SH3TC1: variants seen among roughly 807,000 people sequenced by gnomAD.
SH3TC1 encodes SH3 domain and tetratricopeptide repeat-containing protein 1.
A neutral mutation model predicts 117.3 loss-of-function variants in SH3TC1; 135 were observed. The observed-to-expected ratio is 1.15, with a 90% CI of 1.00 to 1.33. The LOEUF (loss-of-function observed/expected upper bound fraction) is 1.33, where lower values mean the gene tolerates loss of function less well. SH3TC1 is among the 40% of genes most tolerant of loss of function. The pLI, the probability that SH3TC1 is intolerant of heterozygous loss-of-function variation, is 0.00. For synonymous variants in SH3TC1, 898 were observed against 816.9 expected, an observed-to-expected ratio of 1.10 and a Z score of -1.69; for missense variants, 2,092 against 1,794.3, an observed-to-expected ratio of 1.17 and a Z score of -3.00.
chr4:8,227,382 G>C lies in SH3TC1; in HGVS notation c.1688G>C (p.Cys563Ser). 6.4e-7 allele frequency: 1 copy of C among 1,559,412 alleles called. No individual in the cohort carries two copies. The highest frequency in any genetic ancestry group is 1.4e-5 in the African/African-American group (1 of 73,308). Residue 563 changes from cysteine (C) to serine (S), a missense_variant, in exon 12 of 18, where the codon TGC becomes TCC. Coordinates refer to ENST00000245105, the MANE Select transcript of SH3TC1 (RefSeq NM_018986.5). ...AGLLMALARL[C>S]FLLGRLCSRR... ...CTCCTCATGGCCCTGGCCAGGCTCT[G>C]CTTCCTCCTGGGGCGGCTGTGCAGC... is the stretch of plus-strand genomic sequence containing the variant.
chr4:8,218,197 T>C, intron 7 of SH3TC1, 74 bp from the exon 8 acceptor site: 2 of 1,203,174 alleles, frequency 1.7e-6, no homozygotes, highest in African/African-American at 1.5e-5. Context: ...TGCTGGCCTG[T>C]CCAGTCTCTG....
At chr4:8,216,758 C>T (rs1398273982) in intron 6 of SH3TC1, among the ~76,000 whole-genome samples, 199 bp from the exon 7 acceptor site, 10 of 152,174 alleles carry the variant, frequency 6.6e-5, no homozygotes, top group Admixed American at 6.5e-4. Flanking sequence ...GCCTCACACA[C>T]CACATGGAGG....
At chr4:8,187,802 C>T (rs547187577) in intron 1 of SH3TC1, among the ~76,000 whole-genome samples, 3 of 152,156 alleles carry the variant, frequency 2.0e-5, no homozygotes, top group South Asian at 2.1e-4. Context: ...CACTTGTCTC[C>T]GCCTCCCAAA....
Position 8,225,930 on chromosome 4 carries a change from G to A in SH3TC1, c.1285+714G>A, listed in dbSNP as rs1369482150. On this transcript the variant is annotated intron_variant, in intron 11 of 17. Coordinates refer to ENST00000245105, the MANE Select transcript of SH3TC1 (RefSeq NM_018986.5). The surrounding 1 kb of genome is among the most constrained non-coding windows in gnomAD (Gnocchi z 5.5). ...GCCGAAGTCCCTGGAGCAAATGCGA[G>A]TGACTCCAGCTGCCCCCAAGGCCAG... Among the ~76,000 whole-genome samples, 1 of 152,134 alleles carries A rather than the reference G, an allele frequency of 6.6e-6. No homozygotes were observed. The highest frequency in any genetic ancestry group is 6.5e-5 in the Admixed American group (1 of 15,274).
At chr4:8,218,241 G>A (rs752441931) in intron 7 of SH3TC1, 30 bp from the exon 8 acceptor site, 11 of 1,581,986 alleles carry the variant, frequency 7.0e-6, no homozygotes, top group South Asian at 4.5e-5. Context: ...CTGAAATCCC[G>A]CAGCAAAGAC....
At chr4:8,187,293 T>C (rs1717247050) in intron 1 of SH3TC1, among the ~76,000 whole-genome samples, 1 of 150,694 alleles carries the variant, frequency 6.6e-6, no homozygotes, top group Non-Finnish European at 1.5e-5. Flanking sequence ...ACAGGCTTTG[T>C]CATTGATGCT....
chr4:8,200,646 C>T (rs1314315431), intron 1 of SH3TC1, among the ~76,000 whole-genome samples: 5 of 152,228 alleles, frequency 3.3e-5, no homozygotes, highest in East Asian at 1.9e-4. Context: ...CAGCAGCGCA[C>T]GGGTGCGCCG....
intron 1 of SH3TC1, among the ~76,000 whole-genome samples, chr4:8,188,123 G>A (rs1179380166): frequency 1.3e-5 from 2 of 152,218 alleles, no homozygotes; most frequent in Non-Finnish European, 2.9e-5. Flanking sequence ...CACGTGTGGA[G>A]GCTGGCGCAG....
rs972316122 is a variant in SH3TC1 at position 8,228,776 on chromosome 4, T to C, written c.2950+132T>C. The C allele has an allele frequency of 3.8e-6, 3 of 780,660 alleles. No individual in the cohort carries two copies. In the African/African-American group the frequency reaches 5.2e-5, roughly 14 times the overall value. The allele number at this position is 780,660 out of a possible 1,614,324, so 48.4% of individuals were successfully genotyped here. ...GCTGAGTCATGGCAAACAGCAGATG[T>C]TGGCAAGCGCCCTGGAGACAGGCAG... On this transcript the variant is annotated intron_variant, in intron 12 of 17. Coordinates refer to ENST00000245105, the MANE Select transcript of SH3TC1 (RefSeq NM_018986.5).
rs114707218 is a variant in SH3TC1 at position 8,188,339 on chromosome 4, C to T, written c.-57+6129C>T. Among the ~76,000 whole-genome samples the T allele has an allele frequency of 2.0e-3, 304 of 152,346 alleles. 1 individual carries two copies. Among genetic ancestry groups the T allele is most frequent in the African/African-American group, 7.0e-3 (291 of 41,576 alleles). On this transcript the variant is annotated intron_variant, in intron 1 of 16. Coordinates refer to the SH3TC1 transcript ENST00000508641. ...TCCATGTCGGATGCTGAGCCAGGCC[C>T]AGCATCGGGCAGGCAGGTTGGATCT...
At chr4:8,220,912 G>T (rs1719861054) in intron 9 of SH3TC1, among the ~76,000 whole-genome samples, 1 of 152,238 alleles carries the variant, frequency 6.6e-6, no homozygotes, top group South Asian at 2.1e-4. Context: ...TAGACCAGCA[G>T]TTCCCAAAGC....
chr4:8,238,701 C>T (rs187467676), intron 17 of SH3TC1, among the ~76,000 whole-genome samples: 3 of 152,242 alleles, frequency 2.0e-5, no homozygotes, highest in South Asian at 4.1e-4. Flanking sequence ...GGTGTCTGGC[C>T]CAGAGGGACG....
At chr4:8,182,601 T>A (rs939084776) in intron 1 of SH3TC1, among the ~76,000 whole-genome samples, 1 of 152,160 alleles carries the variant, frequency 6.6e-6, no homozygotes, top group African/African-American at 2.4e-5. Context: ...GATCCCAGCT[T>A]GCCACTGAGT....
At chr4:8,216,393 C>T (rs891622793) in intron 6 of SH3TC1, 136 bp downstream of exon 6, 5 of 1,340,722 alleles carry the variant, frequency 3.7e-6, no homozygotes, top group Non-Finnish European at 5.0e-6. Flanking sequence ...CTGAGGGGTG[C>T]TTCAGGCAGG....
rs757856603 is a variant in SH3TC1, at chr4:8,227,037, A to G, written c.1343A>G (p.Asn448Ser). ...CAGGAGACCTTGCAGAAGGTGAAGA[A>G]TGTTCTGGAACAATGCAAGACCTGC... ...EPQETLQKVKNVLEQCKTCPG... is the reference protein window; with the variant it reads ...EPQETLQKVKSVLEQCKTCPG... The change falls in exon 12 of 18, where the codon AAT (asparagine) becomes AGT (serine). Residue 448 changes from asparagine (N) to serine (S), a missense_variant. Transcript: ENST00000245105. 1.3e-6 allele frequency: 2 copies of G among 1,579,972 alleles called. No individual in the cohort carries two copies. The highest frequency in any genetic ancestry group is 1.7e-6 in the Non-Finnish European group (2 of 1,163,822).
intron 1 of SH3TC1, among the ~76,000 whole-genome samples, chr4:8,187,587 C>T (rs1277368780): frequency 9.5e-5 from 14 of 147,210 alleles, no homozygotes; most frequent in Non-Finnish European, 1.9e-4. Context: ...GAGTCTTGCT[C>T]TATCACCAGG....
chr4:8,227,175 A>C lies in SH3TC1; in HGVS notation c.1481A>C (p.Glu494Ala). The change falls in exon 12 of 18, where the codon GAG becomes GCG. Residue 494 changes from glutamate to alanine, a missense_variant. Physicochemically the swap from Glu to Ala is moderately radical, Grantham distance 107. Transcript: ENST00000245105. ...SFCLEAEDDW[E>A]DPEALSSLLL... ...TGCTTGGAAGCCGAGGACGACTGGG[A>C]GGACCCAGAGGCCCTGAGCTCACTG... 6.3e-7 allele frequency: 1 copy of C among 1,597,898 alleles called. No homozygotes were observed. Among genetic ancestry groups the C allele is most frequent in the Non-Finnish European group, 8.5e-7 (1 of 1,172,284 alleles).
In SH3TC1 at chr4:8,205,183, T is replaced by C. The variant is rs376853158; in HGVS notation, c.-12T>C. On this transcript the variant is annotated 5_prime_UTR_variant, in exon 2 of 18. Transcript: ENST00000245105. The surrounding 1 kb of genome is among the most constrained non-coding windows in gnomAD (Gnocchi z 5.4). The stretch of plus-strand genomic sequence containing the variant: ...TGTCCACAGGGCCAGGCATGTGAGG[T>C]CTCTGCGGGTCATGGAGAACCTCCC... The C allele has an allele frequency of 2.7e-6, 4 of 1,504,254 alleles. No homozygotes were observed. The African/African-American group carries it at 5.6e-5, about 21-fold the overall frequency. 93.2% of individuals were successfully genotyped at this position (1,504,254 alleles called of 1,614,324 possible). A position where few individuals can be genotyped will look rare whatever the true frequency, so the allele number is the denominator to read the frequency against.
chr4:8,236,098 G>A (rs1242530576), intron 15 of SH3TC1, 180 bp from the exon 16 acceptor site: 19 of 747,812 alleles, frequency 2.5e-5, no homozygotes, highest in Non-Finnish European at 3.7e-5. Flanking sequence ...TGGGCCTCAG[G>A]TGACTCTTCA....
Sources: gnomAD v4.1 joint callset for allele counts (sites outside exome capture counted in the v4.1 genomes callset) on GRCh38, gnomAD v4.1.1 for gene constraint, Gnocchi (gnomAD v3.1) non-coding constraint, MANE v1.5 for transcripts, NCBI Gene and HGNC (gene_info 2026-07-23, HGNC 2026-07-21) for gene names.